LRMDA: variants seen among roughly 807,000 people sequenced by gnomAD.
LRMDA encodes leucine-rich melanocyte differentiation-associated protein.
Under a neutral mutation model 29.8 loss-of-function variants are expected in LRMDA, and 18 were observed. That is an observed-to-expected ratio of 0.60 (90% CI 0.42 to 0.90). LRMDA has a LOEUF of 0.90. Ranked by LOEUF, LRMDA falls within the 40% of genes least tolerant of loss-of-function variation. The probability of loss-of-function intolerance (pLI) is 0.00; values close to 1 mark genes in which losing one functional copy is unlikely to be tolerated. For synonymous variants in LRMDA, 125 were observed against 109.4 expected (o/e 1.14, Z -0.89); for missense variants, 273 against 273.9 (o/e 1.00, Z 0.02).
intron 5 of LRMDA, among the ~76,000 whole-genome samples, chr10:76,249,504 T>C (rs1852434805): frequency 1.3e-5 from 2 of 152,218 alleles, no homozygotes; most frequent in Admixed American, 6.5e-5. Context: ...TCCACTCTTA[T>C]GGTATCAGAG....
chr10:75,957,750 G>A (rs576544189), intron 2 of LRMDA, among the ~76,000 whole-genome samples: 2 of 152,306 alleles, frequency 1.3e-5, no homozygotes, highest in South Asian at 2.1e-4. Context: ...GAGAGAGTGA[G>A]AGGAGGAGAG....
intron 2 of LRMDA, among the ~76,000 whole-genome samples, chr10:75,782,349 A>G (rs575125268): frequency 6.6e-6 from 1 of 152,326 alleles, no homozygotes; most frequent in East Asian, 1.9e-4. Context: ...ATGAATTAGA[A>G]AAACCACCTT....
intron 2 of LRMDA, among the ~76,000 whole-genome samples, chr10:75,935,782 C>T (rs529045325): frequency 3.9e-5 from 6 of 152,210 alleles, no homozygotes; most frequent in Non-Finnish European, 7.4e-5. Context: ...ACTGGGAAGC[C>T]GTCTGTCCAC....
chr10:76,230,499 A>G (rs947388004), intron 5 of LRMDA, among the ~76,000 whole-genome samples: 3 of 151,808 alleles, frequency 2.0e-5, no homozygotes, highest in African/African-American at 7.2e-5. Context: ...AAGAGAAACT[A>G]TGAAAATATC....
intron 2 of LRMDA, among the ~76,000 whole-genome samples, chr10:75,795,508 A>G (rs1843638063): frequency 6.6e-6 from 1 of 152,182 alleles, no homozygotes; most frequent in African/African-American, 2.4e-5. Context: ...CCCCCATTCA[A>G]TTATTTTGGA....
At chr10:76,340,737 C>T (rs568918942) in intron 6 of LRMDA, among the ~76,000 whole-genome samples, 1 of 151,920 alleles carries the variant, frequency 6.6e-6, no homozygotes, top group East Asian at 1.9e-4. Context: ...TCTACATTCC[C>T]TTGGATGTGC....
chr10:76,175,806 T>C (rs530609069), intron 5 of LRMDA, among the ~76,000 whole-genome samples: 14 of 152,236 alleles, frequency 9.2e-5, no homozygotes, highest in East Asian at 1.9e-4. Context: ...ATGCGCCCAG[T>C]TGGGGTTGGG....
At chr10:75,855,653 G>C (rs573764694) in intron 2 of LRMDA, among the ~76,000 whole-genome samples, 3 of 152,184 alleles carry the variant, frequency 2.0e-5, no homozygotes, top group East Asian at 1.9e-4. Flanking sequence ...CCTCTGTCCT[G>C]AATGGTATTG....
At chr10:75,576,925 G>C (rs1184303854) in intron 2 of LRMDA, among the ~76,000 whole-genome samples, 2 of 152,214 alleles carry the variant, frequency 1.3e-5, no homozygotes, top group African/African-American at 4.8e-5. Flanking sequence ...CCATGAAGAT[G>C]GGGAGAAACC....
At chr10:76,016,945 T>C (rs1003421651) in intron 2 of LRMDA, among the ~76,000 whole-genome samples, 1 of 152,190 alleles carries the variant, frequency 6.6e-6, no homozygotes, top group Non-Finnish European at 1.5e-5. Flanking sequence ...ATAAGAATAG[T>C]AGTAACTTAG....
At chr10:76,038,598 C>T (rs1426244056) in intron 3 of LRMDA, among the ~76,000 whole-genome samples, 3 of 152,186 alleles carry the variant, frequency 2.0e-5, no homozygotes, top group African/African-American at 7.2e-5. Context: ...TCAGAAGTCA[C>T]AGAGAAAGGT....
At chr10:76,263,917 T>A (rs28538720) in intron 5 of LRMDA, among the ~76,000 whole-genome samples, 7,372 of 152,190 alleles carry the variant, frequency 0.048, 594 homozygotes, top group African/African-American at 0.17. Context: ...AAACTCTGCC[T>A]TCATAATAAT....
rs574266168 is a variant in LRMDA, at chr10:76,085,866, G to T, written c.516+27083G>T. ...CACCCCCATCCTCTTCCTCATGAAG[G>T]ATTTCACCTGCAGATAGCCTCTATA... is the stretch of plus-strand genomic sequence containing the variant. On this transcript the variant is annotated intron_variant, in intron 5 of 6. Transcript: ENST00000611255. Among the ~76,000 whole-genome samples, 32 of 152,262 alleles carry T rather than the reference G, an allele frequency of 2.1e-4. No homozygotes were observed. In the South Asian group the frequency reaches 6.2e-3, roughly 30 times the overall value.
chr10:76,212,409 A>C (rs1851652746), intron 5 of LRMDA, among the ~76,000 whole-genome samples: 1 of 152,184 alleles, frequency 6.6e-6, no homozygotes, highest in South Asian at 2.1e-4. Flanking sequence ...TTTCACACTC[A>C]AAAGATTTTT....
At chr10:76,502,380 C>A (rs550948507) in intron 6 of LRMDA, among the ~76,000 whole-genome samples, 3 of 151,788 alleles carry the variant, frequency 2.0e-5, no homozygotes, top group East Asian at 3.9e-4. Context: ...AAAATAGTTT[C>A]TTCTAATTCT....
chr10:76,053,481 C>T (rs1848562971), intron 4 of LRMDA, among the ~76,000 whole-genome samples: 2 of 152,102 alleles, frequency 1.3e-5, no homozygotes, highest in Non-Finnish European at 2.9e-5. Flanking sequence ...AGCCTTCATT[C>T]TGTGGCTTTG....
chr10:75,976,709 G>T lies in LRMDA; in HGVS notation c.132-59299G>T, dbSNP rs770315016. 2.6e-5 allele frequency among the ~76,000 whole-genome samples: 4 copies of T among 152,278 alleles called. No individual in the cohort carries two copies. The South Asian group carries it at 8.3e-4, about 32-fold the overall frequency. On this transcript the variant is annotated intron_variant, in intron 2 of 6. Coordinates refer to ENST00000611255, the MANE Select transcript of LRMDA (RefSeq NM_001305581.2). ...GTGTTTACAATGACCACAGGATGTGGATATTATTATTATTCCCATTTTACT... is the reference window on the plus strand; with the variant it reads ...GTGTTTACAATGACCACAGGATGTGTATATTATTATTATTCCCATTTTACT...
chr10:76,221,086 A>C lies in LRMDA; in HGVS notation c.517-103315A>C, dbSNP rs535722491. ...AAATTCAACAACCCTTCATGCTAAA[A>C]ACTCTCAATAAATTAGGTATTGATG... On this transcript the variant is annotated intron_variant, in intron 5 of 6. Transcript: ENST00000611255. 2.8e-3 allele frequency among the ~76,000 whole-genome samples: 427 copies of C among 152,280 alleles called. 3 individuals carry two copies. Among genetic ancestry groups the C allele is most frequent in the Middle Eastern group, 0.01 (3 of 294 alleles).
At chr10:76,336,637 C>T (rs1840972461) in intron 6 of LRMDA, among the ~76,000 whole-genome samples, 1 of 152,030 alleles carries the variant, frequency 6.6e-6, no homozygotes, top group South Asian at 2.1e-4. Context: ...CCCAGAGGTC[C>T]CAATTTAAAT....
Sources: allele counts gnomAD v4.1 joint callset (sites outside exome capture counted in the v4.1 genomes callset), GRCh38; gene constraint gnomAD v4.1.1; transcripts MANE v1.5; gene names NCBI Gene and HGNC (gene_info 2026-07-23, HGNC 2026-07-21).